IKZF4: variants seen among roughly 807,000 people sequenced by gnomAD.
IKZF4 encodes the protein zinc finger protein Eos.
In IKZF4, 11 loss-of-function variants were observed where a neutral mutation model predicts 47.7. The ratio of observed to expected loss-of-function variants is 0.23; its 90% CI spans 0.15 to 0.38. IKZF4 has a LOEUF of 0.38. IKZF4 is among the 10% of genes least tolerant of loss of function. The pLI is 1.00. For missense variants in IKZF4, 557 were observed against 784.9 expected, an observed-to-expected ratio of 0.71 and a Z score of 3.47; for synonymous variants, 298 against 299.4, an observed-to-expected ratio of 1.00 and a Z score of 0.05.
chr12:56,032,826 G>T, intron 6 of IKZF4, 116 bp downstream of exon 6: 4 of 1,206,730 alleles, frequency 3.3e-6, no homozygotes, highest in Non-Finnish European at 4.8e-6. Flanking sequence ...AACAGGGGAT[G>T]ATTACCCCAG....
At chr12:56,018,651 A>G (rs1173335443), upstream of IKZF4, among the ~76,000 whole-genome samples, 1 of 151,670 alleles carries the variant, frequency 6.6e-6, no homozygotes, top group African/African-American at 2.4e-5. Flanking sequence ...AGTGGAGAAC[A>G]TATGTCCCAC....
At chr12:56,028,670 T>C (rs750673372) in intron 5 of IKZF4, among the ~76,000 whole-genome samples, 5 of 151,964 alleles carry the variant, frequency 3.3e-5, no homozygotes, top group Middle Eastern at 3.4e-3. Flanking sequence ...GCAGTCTTGA[T>C]CTCCTGAGCT....
At chr12:56,022,317 C>A (rs1893155427) in intron 1 of IKZF4, among the ~76,000 whole-genome samples, 1 of 152,198 alleles carries the variant, frequency 6.6e-6, no homozygotes, top group Non-Finnish European at 1.5e-5. Flanking sequence ...CCTTTACCTA[C>A]CTCCCAGTTC....
chr12:56,031,114 T>C (rs1480833409), intron 5 of IKZF4, among the ~76,000 whole-genome samples: 1 of 151,864 alleles, frequency 6.6e-6, no homozygotes, highest in Non-Finnish European at 1.5e-5. Flanking sequence ...TAGCTGGGCA[T>C]GGTGGTGGGC....
At chr12:56,034,536 CA>C in intron 7 of IKZF4, 34 bp from the exon 8 acceptor site, 1 of 1,551,834 alleles carries the variant, frequency 6.4e-7, no homozygotes, top group Non-Finnish European at 8.7e-7. Flanking sequence ...AGGAATTCTC[CA>C]AACCCAGCCC....
upstream of IKZF4, chr12:56,018,269 C>T: frequency 1.1e-6 from 1 of 904,600 alleles, no homozygotes. Context: ...GGCACACAGC[C>T]TCTAAATGTC....
At chr12:56,033,398 C>A in intron 7 of IKZF4, 77 bp downstream of exon 7, 1 of 1,575,564 alleles carries the variant, frequency 6.3e-7, no homozygotes, top group South Asian at 1.1e-5. Context: ...TCTGGAGATT[C>A]GGTTTGGGGA....
At chr12:56,014,024 G>A (rs527664648) in intron 2 of IKZF4, among the ~76,000 whole-genome samples, 7 of 152,242 alleles carry the variant, frequency 4.6e-5, no homozygotes, top group Non-Finnish European at 7.4e-5. Context: ...GGTGGCGCAC[G>A]CCTGTAATCC....
intron 7 of IKZF4, 79 bp from the exon 8 acceptor site, chr12:56,034,492 T>C (rs907017796): frequency 1.0e-5 from 15 of 1,430,774 alleles, no homozygotes; most frequent in Admixed American, 4.5e-5. Flanking sequence ...GCCCCACAGG[T>C]AAAAAAACAA....
Position 56,014,803 on chromosome 12 carries a change from C to CA in IKZF4, c.-213-3315dup, listed in dbSNP as rs1025696389. Among the ~76,000 whole-genome samples, 78 of 151,660 alleles carry CA rather than the reference C, an allele frequency of 5.1e-4. 1 individual carries two copies. The highest frequency in any genetic ancestry group is 1.4e-3 in the East Asian group (7 of 5,164). On this transcript the variant is annotated intron_variant, in intron 2 of 11. Coordinates refer to the IKZF4 transcript ENST00000262032. ...TCAAAAAAAAAAACAAAAACAAAAA[C>CA]AAAAAAAACAGGGAAAAGCAAGAAA...
upstream of IKZF4, among the ~76,000 whole-genome samples, chr12:56,017,300 C>A (rs948437345): frequency 1.6e-5 from 2 of 124,038 alleles, no homozygotes; most frequent in Non-Finnish European, 3.1e-5. Context: ...GTGGGGATAA[C>A]CATTTACAGG....
intron 5 of IKZF4, among the ~76,000 whole-genome samples, chr12:56,029,434 A>G (rs1199118638): frequency 2.6e-5 from 4 of 152,202 alleles, no homozygotes; most frequent in African/African-American, 9.7e-5. Context: ...AAAGGCAGGA[A>G]GAAAGGAAGG....
rs920329250 is a variant in IKZF4 at position 56,036,205 on chromosome 12, A to T, written c.*874A>T. ...TGGAGTGCCCCAATTTTATATTCTCAGGGGCCAAGGCTAGGTCTGCAACCC... is the reference window on the plus strand; with the variant it reads ...TGGAGTGCCCCAATTTTATATTCTCTGGGGCCAAGGCTAGGTCTGCAACCC... On this transcript the variant is annotated 3_prime_UTR_variant, in exon 8 of 8. Coordinates refer to ENST00000547167, the MANE Select transcript of IKZF4 (RefSeq NM_022465.4). 3 of 152,530 alleles carry T rather than the reference A, an allele frequency of 2.0e-5. No individual in the cohort carries two copies. Among genetic ancestry groups the T allele is most frequent in the Admixed American group, 1.3e-4 (2 of 15,272 alleles). The allele number at this position is 152,530 out of a possible 1,614,324, so 9.4% of individuals were successfully genotyped here.
At chr12:56,030,922 G>A (rs546765634) in intron 5 of IKZF4, among the ~76,000 whole-genome samples, 5 of 152,192 alleles carry the variant, frequency 3.3e-5, no homozygotes, top group South Asian at 2.1e-4. Flanking sequence ...TTTCAAAATC[G>A]CTAGAAGAGA....
At chr12:56,008,732 T>G (rs1890997492) in intron 1 of IKZF4, among the ~76,000 whole-genome samples, 1 of 141,748 alleles carries the variant, frequency 7.1e-6, no homozygotes, top group African/African-American at 2.6e-5. Flanking sequence ...TGGGGTGCAA[T>G]GGCGCGACCT....
intron 3 of IKZF4, among the ~76,000 whole-genome samples, chr12:56,025,592 T>A (rs1893829522): frequency 6.6e-6 from 1 of 152,024 alleles, no homozygotes; most frequent in African/African-American, 2.4e-5. Context: ...ATGGTTGGAG[T>A]AGCCAGGAAT....
Position 56,021,873 on chromosome 12 carries a change from T to C in IKZF4, c.87+293T>C. On this transcript the variant is annotated intron_variant, in intron 1 of 7. Transcript: ENST00000547167. The stretch of plus-strand genomic sequence containing the variant: ...CCTTGGGGATAGAGGTAGAGCTGCC[T>C]GGGGTGAAATGCCGAGACAGGCCTG... 6.5e-6 allele frequency: 3 copies of C among 459,198 alleles called. No homozygotes were observed. In the South Asian group the frequency reaches 8.0e-5, roughly 12 times the overall value. The allele number at this position is 459,198 out of a possible 1,614,324, so 28.4% of individuals were successfully genotyped here.
At chr12:56,027,115 A>ACT (rs1277202562) in intron 4 of IKZF4, 74 bp downstream of exon 4, 1 of 1,353,466 alleles carries the variant, frequency 7.4e-7, no homozygotes, top group African/African-American at 1.5e-5. Flanking sequence ...CTGGGACAAC[A>ACT]GCAGGTATGG....
rs1565824249 is a variant in IKZF4, at chr12:56,026,794, G to A, written c.300G>A (p.Lys100=). The A allele has an allele frequency of 6.3e-7, 1 of 1,582,722 alleles. No individual in the cohort carries two copies. Among genetic ancestry groups the A allele is most frequent in the Non-Finnish European group, 8.6e-7 (1 of 1,162,956 alleles). ...CCCACCCCTCAGCCAACTCCATCAA[G>A]GTGGAGATGTACAGCGATGAGGAGT... ...PSRSLSANSI[K]VEMYSDEESS... The change falls in exon 4 of 8, where the codon AAG becomes AAA. Residue 100 remains lysine, a synonymous_variant. Coordinates refer to ENST00000547167, the MANE Select transcript of IKZF4 (RefSeq NM_022465.4).
Sources: allele counts gnomAD v4.1 joint callset (sites outside exome capture counted in the v4.1 genomes callset), GRCh38; gene constraint gnomAD v4.1.1; transcripts MANE v1.5; gene names NCBI Gene and HGNC (gene_info 2026-07-23, HGNC 2026-07-21).